Variants in ANO8 observed in about 807,000 individuals in gnomAD.
ANO8 encodes anoctamin 8, also known as anoctamin-8.
ANO8 carries 67 observed loss-of-function variants against 120.4 expected under a neutral mutation model. The observed-to-expected ratio is 0.56, with a 90% CI of 0.46 to 0.68. The LOEUF is 0.68. Among genes scored for constraint, ANO8 ranks in the 30% least tolerant of loss-of-function variants. The pLI is 0.00. For missense variants in ANO8, 1,526 were observed against 1,737.6 expected (o/e 0.88, Z 2.16); for synonymous variants, 727 against 759.2 (o/e 0.96, Z 0.70).
chr19:17,331,243 A>AC lies in ANO8; in HGVS notation c.704-29dup, dbSNP rs748423992. The AC allele has an allele frequency of 1.8e-5, 29 of 1,613,502 alleles. No homozygotes were observed. The East Asian group carries it at 6.5e-4, about 36-fold the overall frequency. On this transcript the variant is annotated intron_variant, in intron 6 of 17. Transcript: ENST00000159087. The stretch of plus-strand genomic sequence containing the variant: ...GCCAGGGGACAAGTGGGTCTCAGTC[A>AC]CCCCCTGCCTGTCTGCTGGGACTCC...
At chr19:17,324,224 G>C (rs13345139) in intron 17 of ANO8, among the ~76,000 whole-genome samples, 31,744 of 146,202 alleles carry the variant, frequency 0.22, 4,206 homozygotes, top group African/African-American at 0.32. Flanking sequence ...GGGGGTGGGA[G>C]GGTAGGGGTG....
At position 17,332,708 on chromosome 19, in the gene ANO8, C is replaced by T. The variant is rs1568362395; in HGVS notation, c.586+222G>A. Among the ~76,000 whole-genome samples, 6 of 152,222 alleles carry T rather than the reference C, an allele frequency of 3.9e-5. 1 individual carries two copies. The South Asian group carries it at 8.3e-4, about 21-fold the overall frequency. ...CTAACTGGTTGGACATAAGCCCTGA[C>T]CTCCTGTCCTGATAAGCTGTCCTCT... On this transcript the variant is annotated intron_variant, in intron 5 of 17. Transcript: ENST00000159087.
rs1376432578 is a variant in ANO8, at chr19:17,328,737, C to G, written c.1651G>C (p.Gly551Arg). Residue 551 changes from glycine (G) to arginine (R), a missense_variant, in exon 13 of 18, where the codon GGG (glycine) becomes CGG (arginine). Transcript: ENST00000159087. ...GCCTCCTCCTCCTCCTCCGGCGCCCCGCAGCCCCCGCTGAGGCACCTGCGG... is the reference window on the plus strand; with the variant it reads ...GCCTCCTCCTCCTCCTCCGGCGCCCGGCAGCCCCCGCTGAGGCACCTGCGG... ...GGRRCLSGGC[G>R]APEEEEEAAL... The G allele has an allele frequency of 1.5e-6, 2 of 1,355,718 alleles. No individual in the cohort carries two copies. Among genetic ancestry groups the G allele is most frequent in the African/African-American group, 1.5e-5 (1 of 65,254 alleles). The allele number at this position is 1,355,718 out of a possible 1,614,324, so 84.0% of individuals were successfully genotyped here.
Position 17,324,703 on chromosome 19 carries a change from T to C in ANO8, c.3331+14A>G. On this transcript the variant is annotated intron_variant, in intron 17 of 17. Transcript: ENST00000159087. The stretch of plus-strand genomic sequence containing the variant: ...CCGGCCCGGCGTCCCCACCCCCGAG[T>C]TAAAGCTTGTGACCTGAGCCTTCCT... 6.6e-7 allele frequency: 1 copy of C among 1,509,066 alleles called. No individual in the cohort carries two copies. Among genetic ancestry groups the C allele is most frequent in the East Asian group, 2.3e-5 (1 of 43,446 alleles). 93.5% of individuals were successfully genotyped at this position (1,509,066 alleles called of 1,614,324 possible).
Position 17,329,996 on chromosome 19 carries a change from C to A in ANO8, c.1292G>T (p.Ser431Ile). 3 of 1,613,906 alleles carry A rather than the reference C, an allele frequency of 1.9e-6. No individual in the cohort carries two copies. Among genetic ancestry groups the A allele is most frequent in the South Asian group, 1.1e-5 (1 of 91,072 alleles). The stretch of plus-strand genomic sequence containing the variant: ...GATGATGAGGTGCTTCTCATAGGCG[C>A]TCTCCAGCCGGTAATTTTCTAGGGG... ...LNDMENYRLE[S>I]AYEKHLIIKV... is the part of the protein sequence containing the mutation. Residue 431 changes from serine (S) to isoleucine (I), a missense_variant, in exon 11 of 18, where the codon AGC becomes ATC. Physicochemically the swap from Ser to Ile is moderately radical, Grantham distance 142. Transcript: ENST00000159087.
intron 16 of ANO8, 65 bp from the exon 17 acceptor site, chr19:17,325,451 C>A: frequency 6.6e-7 from 1 of 1,510,048 alleles, no homozygotes; most frequent in South Asian, 1.3e-5. Flanking sequence ...CCAGCTGAGG[C>A]TGGTGCATGC....
At chr19:17,324,680 G>A (rs779206012) in intron 17 of ANO8, 37 bp downstream of exon 17, 38 of 1,485,318 alleles carry the variant, frequency 2.6e-5, no homozygotes, top group Non-Finnish European at 3.4e-5. Context: ...CCCCAAAGCC[G>A]GCCCGGCGTC....
In ANO8 at chr19:17,327,671, C is replaced by T. The variant is rs201314015; in HGVS notation, c.2418+18G>A. ...GCTCCCTCTGGGCCTCAGCTCGGATCTCTTGGCTTCCCCCCACCTGCCACT... is the reference window on the plus strand; with the variant it reads ...GCTCCCTCTGGGCCTCAGCTCGGATTTCTTGGCTTCCCCCCACCTGCCACT... On this transcript the variant is annotated intron_variant, in intron 14 of 17. Coordinates refer to ENST00000159087, the MANE Select transcript of ANO8 (RefSeq NM_020959.3). 7.8e-5 allele frequency: 125 copies of T among 1,610,940 alleles called. No individual in the cohort carries two copies. The highest frequency in any genetic ancestry group is 4.4e-4 in the South Asian group (40 of 90,836).
intron 1 of ANO8, 97 bp downstream of exon 1, chr19:17,334,468 G>T: frequency 8.9e-7 from 1 of 1,120,784 alleles, no homozygotes; most frequent in Non-Finnish European, 1.3e-6. Flanking sequence ...CAGACACCAC[G>T]CCAGGTTACG....
In ANO8 at chr19:17,328,155, T is replaced by TGCGAGGCCCCGCCCCCA; in HGVS notation, c.2226+6_2226+7insTGGGGGCGGGGCCTCGC. 54 of 1,304,718 alleles carry TGCGAGGCCCCGCCCCCA rather than the reference T, an allele frequency of 4.1e-5. No individual in the cohort carries two copies. Among genetic ancestry groups the TGCGAGGCCCCGCCCCCA allele is most frequent in the Non-Finnish European group, 4.9e-5 (47 of 967,954 alleles). The allele number at this position is 1,304,718 out of a possible 1,614,324, so 80.8% of individuals were successfully genotyped here. A position where few individuals can be genotyped will look rare whatever the true frequency, so the allele number is the denominator to read the frequency against. On this transcript the variant is annotated splice_region_variant and intron_variant, in intron 13 of 17. Transcript: ENST00000159087. ...CCGCCCCCTGCGAGGCCCCGCCCCCTCCTCACCTCGTACTTCTTCATACAG... is the reference window on the plus strand; with the variant it reads ...CCGCCCCCTGCGAGGCCCCGCCCCCTGCGAGGCCCCGCCCCCACCTCACCTCGTACTTCTTCATACAG...
In ANO8 at chr19:17,331,343, G is replaced by A; in HGVS notation, c.655C>T (p.Arg219Cys). The A allele has an allele frequency of 5.0e-6, 8 of 1,614,086 alleles. No individual in the cohort carries two copies. Among genetic ancestry groups the A allele is most frequent in the Non-Finnish European group, 5.1e-6 (6 of 1,180,026 alleles). The part of the protein sequence containing the change: ...FPVHEQRILN[R>C]LMKSWVQAVC... ...GCCTGCACCCATGACTTCATGAGGC[G>A]GTTCAGAATACGCTGCTCGTGGACA... Residue 219 changes from arginine (R) to cysteine (C), a missense_variant, in exon 6 of 18, where the codon CGC becomes TGC. By Grantham distance (180) the Arg-to-Cys change is radical. Coordinates refer to ENST00000159087, the MANE Select transcript of ANO8 (RefSeq NM_020959.3).
Position 17,331,211 on chromosome 19 carries a change from G to A in ANO8, c.708C>T (p.Asp236=), listed in dbSNP as rs1169057827. The part of the protein sequence containing the change: ...QAVCENQPLD[D]ICDYFGVKIA... The stretch of plus-strand genomic sequence containing the variant: ...TTTTCACACCAAAGTAATCACAGAT[G>A]TCATCTGCCAGGGGACAAGTGGGTC... Residue 236 remains aspartate, a synonymous_variant, in exon 7 of 18, where the codon GAC becomes GAT. Transcript: ENST00000159087. The A allele has an allele frequency of 2.5e-6, 4 of 1,614,198 alleles. No homozygotes were observed. Among genetic ancestry groups the A allele is most frequent in the Non-Finnish European group, 3.4e-6 (4 of 1,180,044 alleles).
chr19:17,331,465 G>A, intron 5 of ANO8, 54 bp from the exon 6 acceptor site: 1 of 1,542,082 alleles, frequency 6.5e-7, no homozygotes, highest in African/African-American at 1.4e-5. Flanking sequence ...GCCTAGCCTG[G>A]CTAGCCCCTC....
chr19:17,328,455 C>G lies in ANO8; in HGVS notation c.1933G>C (p.Val645Leu). 1.9e-6 allele frequency: 3 copies of G among 1,576,678 alleles called. No individual in the cohort carries two copies. Among genetic ancestry groups the G allele is most frequent in the Non-Finnish European group, 2.6e-6 (3 of 1,166,592 alleles). Reference sequence around the variant, plus strand: ...ACTCCCGGCTCCAGCCCCTTCTCCACCATAGTGGGGCTCCCTTCCTCCAGG... The same window carrying G: ...ACTCCCGGCTCCAGCCCCTTCTCCAGCATAGTGGGGCTCCCTTCCTCCAGG... ...ALLEEGSPTM[V>L]EKGLEPGVFT... The change falls in exon 13 of 18, where the codon GTG becomes CTG. Residue 645 changes from valine (V) to leucine (L), a missense_variant. This residue lies in a region of ANO8 where 467 missense variants were observed against 425.8 expected (regional missense o/e 1.10). Transcript: ENST00000159087.
chr19:17,328,120 C>CT (rs1568359438), intron 13 of ANO8, 42 bp downstream of exon 13: 10 of 1,484,078 alleles, frequency 6.7e-6, no homozygotes, highest in Middle Eastern at 1.8e-4. Flanking sequence ...GTCCCGTCCC[C>CT]GGCGAGGCCC....
Position 17,329,063 on chromosome 19 carries a change from C to A in ANO8, c.1405-80G>T. 4 of 1,193,790 alleles carry A rather than the reference C, an allele frequency of 3.4e-6. No individual in the cohort carries two copies. The Admixed American group carries it at 1.4e-4, about 43-fold the overall frequency. The allele number at this position is 1,193,790 out of a possible 1,614,324, so 73.9% of individuals were successfully genotyped here. A position where few individuals can be genotyped will look rare whatever the true frequency, so the allele number is the denominator to read the frequency against. On this transcript the variant is annotated intron_variant, in intron 12 of 17. Transcript: ENST00000159087. ...GATCGGGGGACTCACCCTCCCTGGGCGCCCCGCCGGAGCACCGTGCCCAGA... is the reference window on the plus strand; with the variant it reads ...GATCGGGGGACTCACCCTCCCTGGGAGCCCCGCCGGAGCACCGTGCCCAGA...
chr19:17,334,734 G>T lies in ANO8; in HGVS notation c.-64C>A. 5 of 1,293,128 alleles carry T rather than the reference G, an allele frequency of 3.9e-6. No individual in the cohort carries two copies. The highest frequency in any genetic ancestry group is 1.8e-5 in the South Asian group (1 of 54,852). The allele number at this position is 1,293,128 out of a possible 1,614,324, so 80.1% of individuals were successfully genotyped here. ...GGCGACGGGGAGCCGCGGGCTCATG[G>T]GGCCGGTGCAGCCGCGGAGCGCGCG... is the stretch of plus-strand genomic sequence containing the variant. On this transcript the variant is annotated 5_prime_UTR_variant, in exon 1 of 18. Transcript: ENST00000159087.
rs776371558 is a variant in ANO8 at position 17,323,607 on chromosome 19, C to T, written c.3609G>A (p.Pro1203=). 4 of 918,600 alleles carry T rather than the reference C, an allele frequency of 4.4e-6. No individual in the cohort carries two copies. The allele number at this position is 918,600 out of a possible 1,614,324, so 56.9% of individuals were successfully genotyped here. A position where few individuals can be genotyped will look rare whatever the true frequency, so the allele number is the denominator to read the frequency against. Residue 1203 remains proline (P), a synonymous_variant, in exon 18 of 18, where the codon CCG becomes CCA. Coordinates refer to ENST00000159087, the MANE Select transcript of ANO8 (RefSeq NM_020959.3). The part of the protein sequence containing the change: ...SFYSLPPPPL[P]PTSDPLETPA... ...GGGTCTCGAGGGGATCCGAGGTGGG[C>T]GGTAGCGGTGGGGGCGGGAGGCTGT... is the stretch of plus-strand genomic sequence containing the variant.
At position 17,328,644 on chromosome 19, in the gene ANO8, C is replaced by T. The variant is rs1371841084; in HGVS notation, c.1744G>A (p.Glu582Lys). The T allele has an allele frequency of 6.6e-7, 1 of 1,504,164 alleles. No individual in the cohort carries two copies. The highest frequency in any genetic ancestry group is 2.1e-5 in the Admixed American group (1 of 47,148). The allele number at this position is 1,504,164 out of a possible 1,614,324, so 93.2% of individuals were successfully genotyped here. Residue 582 changes from glutamate to lysine, a missense_variant, in exon 13 of 18, where the codon GAG (glutamate) becomes AAG (lysine). Glu to Lys is a moderately conservative substitution (Grantham distance 56). Around this residue, in one of 8 missense-constraint regions of ANO8, gnomAD observed 467 missense variants for 425.8 expected, o/e 1.10. Coordinates refer to ENST00000159087, the MANE Select transcript of ANO8 (RefSeq NM_020959.3). ...EEGDGPPGGK[E>K]EDEDDEEEED... is the part of the protein sequence containing the mutation. ...TCCTCCTCGTCGTCCTCGTCCTCCT[C>T]CTTGCCCCCTGGAGGCCCGTCCCCC...
Sources: allele counts gnomAD v4.1 joint callset (sites outside exome capture counted in the v4.1 genomes callset), GRCh38; gene constraint gnomAD v4.1.1; regional missense constraint gnomAD v4.1.1; transcripts MANE v1.5; gene names NCBI Gene and HGNC (gene_info 2026-07-23, HGNC 2026-07-21).